The following PCSK5 variants were observed in gnomAD, a reference collection of about 807,000 sequenced individuals.
PCSK5 encodes prohormone convertase 5.
Under a neutral mutation model 233.2 loss-of-function variants are expected in PCSK5, and 129 were observed. The observed-to-expected ratio is 0.55, with a 90% CI of 0.48 to 0.64. The LOEUF (loss-of-function observed/expected upper bound fraction) is 0.64. Ranked by LOEUF, PCSK5 falls within the 30% of genes least tolerant of loss-of-function variation. The probability of loss-of-function intolerance (pLI) is 0.00; values close to 1 mark genes in which losing one functional copy is unlikely to be tolerated. For synonymous variants in PCSK5, 825 were observed against 879.2 expected (o/e 0.94, Z 1.09); for missense variants, 2,076 against 2,430.1 (o/e 0.85, Z 3.06).
chr9:75,917,758 T>C (rs571685611), intron 1 of PCSK5, among the ~76,000 whole-genome samples: 269 of 152,346 alleles, frequency 1.8e-3, no homozygotes, highest in African/African-American at 6.3e-3. Flanking sequence ...CTGTTAAGCC[T>C]GATAAGAATA....
intron 21 of PCSK5, among the ~76,000 whole-genome samples, chr9:76,228,374 C>T (rs1167043476): frequency 1.3e-5 from 2 of 152,190 alleles, no homozygotes; most frequent in Non-Finnish European, 2.9e-5. Flanking sequence ...TGTCCCTTTG[C>T]TCTCTATAAG....
chr9:76,175,320 CAGAATAGAAT>C (rs377078268), intron 14 of PCSK5, 191 bp downstream of exon 14: 8 of 477,230 alleles, frequency 1.7e-5, no homozygotes, highest in Admixed American at 1.5e-4. Context: ...TAGAACAGAA[CAGAATAGAAT>C]AGAACAGAAC....
rs931033917 is a variant in PCSK5 at position 76,070,913 on chromosome 9, G to A, written c.722-813G>A. On this transcript the variant is annotated intron_variant, in intron 6 of 37. Coordinates refer to ENST00000674117, the MANE Select transcript of PCSK5 (RefSeq NM_001372043.1). ...TAAATGATACAGTGTTTCAGTGATG[G>A]TGTTTAATTTAAACTGAAGGAGAGA... Among the ~76,000 whole-genome samples the A allele has an allele frequency of 3.9e-5, 6 of 152,206 alleles. No individual in the cohort carries two copies. In the South Asian group the frequency reaches 6.2e-4, roughly 16 times the overall value.
chr9:76,233,998 C>T (rs762637796), intron 22 of PCSK5, among the ~76,000 whole-genome samples: 84 of 152,170 alleles, frequency 5.5e-4, no homozygotes, highest in Non-Finnish European at 1.0e-3. Flanking sequence ...TGCCAGAGCT[C>T]GGCAGAGCAA....
At position 76,259,303 on chromosome 9, in the gene PCSK5, G is replaced by A. The variant is rs374261134; in HGVS notation, c.3142+18619G>A. ...TGCTGTAGCCCATTCTTGCCCCAGG[G>A]CCCTGCACTAGCTATTCCCTCTACT... is the stretch of plus-strand genomic sequence containing the variant. On this transcript the variant is annotated intron_variant, in intron 24 of 37. Coordinates refer to ENST00000674117, the MANE Select transcript of PCSK5 (RefSeq NM_001372043.1). 7.2e-5 allele frequency among the ~76,000 whole-genome samples: 11 copies of A among 152,192 alleles called. No individual in the cohort carries two copies. In the East Asian group the frequency reaches 1.7e-3, roughly 24 times the overall value.
chr9:76,196,425 G>A (rs1460193658), intron 20 of PCSK5, among the ~76,000 whole-genome samples: 2 of 152,248 alleles, frequency 1.3e-5, no homozygotes, highest in Non-Finnish European at 2.9e-5. Flanking sequence ...GTACATACCA[G>A]GGGGTGGGAC....
intron 2 of PCSK5, among the ~76,000 whole-genome samples, chr9:75,971,715 C>G (rs1825822035): frequency 6.6e-6 from 1 of 151,750 alleles, no homozygotes; most frequent in East Asian, 1.9e-4. Context: ...TGTTTGTTGG[C>G]AGCATAAATG....
At chr9:76,351,265 TCTTA>T (rs1830114462) in intron 36 of PCSK5, among the ~76,000 whole-genome samples, 2 of 152,030 alleles carry the variant, frequency 1.3e-5, no homozygotes, top group South Asian at 4.2e-4. Context: ...CTACCTTCTC[TCTTA>T]CTTCTGTCTG....
chr9:76,007,226 G>C (rs2131443583), intron 3 of PCSK5, among the ~76,000 whole-genome samples: 1 of 152,204 alleles, frequency 6.6e-6, no homozygotes, highest in South Asian at 2.1e-4. Context: ...ATTTCTTTGA[G>C]CTGTATTTCC....
At chr9:76,166,800 C>T (rs910301532) in intron 12 of PCSK5, among the ~76,000 whole-genome samples, 4 of 152,210 alleles carry the variant, frequency 2.6e-5, no homozygotes, top group Admixed American at 1.3e-4. Context: ...TGCTTTTCTG[C>T]CTCTAGCCAT....
intron 7 of PCSK5, among the ~76,000 whole-genome samples, chr9:76,094,029 C>T (rs1022505777): frequency 6.6e-6 from 1 of 152,150 alleles, no homozygotes; most frequent in Non-Finnish European, 1.5e-5. Flanking sequence ...GTAAACCGAG[C>T]CCAGCTGTCG....
At chr9:75,984,594 T>A (rs994652961) in intron 2 of PCSK5, among the ~76,000 whole-genome samples, 1 of 152,212 alleles carries the variant, frequency 6.6e-6, no homozygotes, top group African/African-American at 2.4e-5. Flanking sequence ...ATAGTCTAAG[T>A]AATACAGTGA....
At chr9:76,259,483 A>ACG (rs1207621816) in intron 24 of PCSK5, among the ~76,000 whole-genome samples, 1 of 151,624 alleles carries the variant, frequency 6.6e-6, no homozygotes, top group Non-Finnish European at 1.5e-5. Context: ...ACACACACAC[A>ACG]CACACTCACT....
At chr9:76,140,214 A>T (rs1385365602) in intron 10 of PCSK5, among the ~76,000 whole-genome samples, 2 of 152,106 alleles carry the variant, frequency 1.3e-5, no homozygotes, top group Non-Finnish European at 2.9e-5. Flanking sequence ...TTTACCTGTT[A>T]TCTCTATACA....
At chr9:76,319,113 G>A (rs909515659) in intron 30 of PCSK5, among the ~76,000 whole-genome samples, 1 of 152,110 alleles carries the variant, frequency 6.6e-6, no homozygotes, top group African/African-American at 2.4e-5. Context: ...GGTGGCCAGG[G>A]CACAGCTTAG....
chr9:75,891,486 CCTAA>C (rs1825593567), intron 1 of PCSK5, 113 bp downstream of exon 1: 13 of 872,310 alleles, frequency 1.5e-5, no homozygotes, highest in Non-Finnish European at 2.1e-5. Flanking sequence ...CAGCTGTTGC[CCTAA>C]CTCTTGGGCG....
chr9:76,339,384 A>G (rs1158490935), intron 35 of PCSK5, among the ~76,000 whole-genome samples: 1 of 151,950 alleles, frequency 6.6e-6, no homozygotes, highest in East Asian at 1.9e-4. Context: ...AAAATCTTTC[A>G]TTTTTAAAAA....
chr9:76,011,661 G>A (rs919153512), intron 3 of PCSK5, among the ~76,000 whole-genome samples: 4 of 152,154 alleles, frequency 2.6e-5, no homozygotes, highest in Non-Finnish European at 5.9e-5. Context: ...TTTGTCATAA[G>A]TAATTTTTTT....
chr9:76,159,868 G>A (rs1822775720), intron 12 of PCSK5, among the ~76,000 whole-genome samples: 1 of 141,188 alleles, frequency 7.1e-6, no homozygotes, highest in African/African-American at 2.7e-5. Context: ...CTGTCTCCAG[G>A]CTGGAGTGCG....
Sources: gnomAD v4.1 joint callset for allele counts (sites outside exome capture counted in the v4.1 genomes callset) on GRCh38, gnomAD v4.1.1 for gene constraint, MANE v1.5 for transcripts, NCBI Gene and HGNC (gene_info 2026-07-23, HGNC 2026-07-21) for gene names.